The following PACC1 variants were observed in gnomAD, a reference collection of about 807,000 sequenced individuals.
The protein encoded by PACC1 is proton-activated chloride channel.
Under a neutral mutation model 39.7 loss-of-function variants are expected in PACC1, and 34 were observed. That is an observed-to-expected ratio of 0.86 (90% CI 0.65 to 1.14). The LOEUF is 1.14. PACC1 is among the 50% of genes most tolerant of loss of function. The probability of loss-of-function intolerance (pLI) is 0.00; values close to 1 mark genes in which losing one functional copy is unlikely to be tolerated. For missense variants in PACC1, 379 were observed against 436.4 expected (o/e 0.87, Z 1.17); for synonymous variants, 127 against 160.6 (o/e 0.79, Z 1.58).
intron 3 of PACC1, 28 bp from the exon 4 acceptor site, chr1:212,385,453 G>C: frequency 6.2e-7 from 1 of 1,613,518 alleles, no homozygotes; most frequent in Non-Finnish European, 8.5e-7. Flanking sequence ...AAAAGCAAGT[G>C]TCAGAAATCA....
Position 212,386,956 on chromosome 1 carries a change from C to T in PACC1, c.278G>A (p.Arg93His), listed in dbSNP as rs373278612. ...CATGACAGGGTGCTTGAGTTTCTCA[C>T]GAAAGTCTGTGATGGTCCGGTAGAC... is the stretch of plus-strand genomic sequence containing the variant. ...FLVYRTITDF[R>H]EKLKHPVMSV... Residue 93 changes from arginine (R) to histidine (H), a missense_variant, in exon 3 of 8, where the codon CGT (arginine) becomes CAT (histidine). Transcript: ENST00000261455. This position sits in a 1 kb window ranked among gnomAD's most constrained non-coding sequence, Gnocchi z 5.0. The T allele has an allele frequency of 6.5e-5, 105 of 1,614,130 alleles. 1 individual carries two copies. Among genetic ancestry groups the T allele is most frequent in the East Asian group, 4.2e-4 (19 of 44,890 alleles).
At chr1:212,414,300 C>G (rs1662247874) in intron 1 of PACC1, among the ~76,000 whole-genome samples, 1 of 152,194 alleles carries the variant, frequency 6.6e-6, no homozygotes, top group Non-Finnish European at 1.5e-5. Context: ...CCGACGATGC[C>G]GACCGCGCAT....
chr1:212,414,280 G>C lies in PACC1; in HGVS notation c.36+442C>G, dbSNP rs57517430. Among the ~76,000 whole-genome samples, 1,186 of 152,346 alleles carry C rather than the reference G, an allele frequency of 7.8e-3. 17 individuals carry two copies. The highest frequency in any genetic ancestry group is 0.027 in the African/African-American group (1,115 of 41,576). ...GGACAGCGAGGCCTTGGGCTTGGAG[G>C]GGGAGGATGCCGACGATGCCGACCG... On this transcript the variant is annotated intron_variant, in intron 1 of 7. Transcript: ENST00000261455.
chr1:212,414,487 G>A (rs933593684), intron 1 of PACC1, among the ~76,000 whole-genome samples: 2 of 152,172 alleles, frequency 1.3e-5, no homozygotes, highest in Non-Finnish European at 2.9e-5. Context: ...CCGGACCTCG[G>A]CCATGCAACC....
At chr1:212,414,599 G>T in intron 1 of PACC1, 123 bp downstream of exon 1, 2 of 1,236,374 alleles carry the variant, frequency 1.6e-6, no homozygotes, top group Non-Finnish European at 1.1e-6. Flanking sequence ...TGACGCACCC[G>T]TCGGTCCCTC....
chr1:212,379,934 T>A lies in PACC1; in HGVS notation c.599A>T (p.Asp200Val), dbSNP rs1281637382. ...NKSSEDFSAI[D>V]YLLFSSFQEF... is the part of the protein sequence containing the mutation. ...CTGGAAAGAAGAGAAGAGGAGGTAA[T>A]CAATGGCGCTGAAGTCCTCACTACT... The change falls in exon 5 of 8, where the codon GAT (aspartate) becomes GTT (valine). Residue 200 changes from aspartate (D) to valine (V), a missense_variant. Transcript: ENST00000261455. 18 of 1,614,136 alleles carry A rather than the reference T, an allele frequency of 1.1e-5. No individual in the cohort carries two copies. The highest frequency in any genetic ancestry group is 1.5e-5 in the Non-Finnish European group (18 of 1,180,032).
chr1:212,375,394 T>C (rs575630178), intron 6 of PACC1, 94 bp from the exon 7 acceptor site: 6 of 843,168 alleles, frequency 7.1e-6, no homozygotes, highest in South Asian at 6.0e-5. Flanking sequence ...CAGGGGATCA[T>C]AGTCTGTGGT....
chr1:212,413,797 C>G, intron 1 of PACC1: 1 of 1,318,446 alleles, frequency 7.6e-7, no homozygotes, highest in East Asian at 2.6e-5. Context: ...GGCCTCAAGG[C>G]AAATCTGGAG....
At chr1:212,374,811 C>T (rs1432579759) in intron 7 of PACC1, among the ~76,000 whole-genome samples, 3 of 152,152 alleles carry the variant, frequency 2.0e-5, no homozygotes, top group Non-Finnish European at 2.9e-5. Flanking sequence ...ACTGCAGTAA[C>T]CTGTATAGTG....
At position 212,410,416 on chromosome 1, in the gene PACC1, C is replaced by T. The variant is rs748266638; in HGVS notation, c.133+9G>A. On this transcript the variant is annotated intron_variant, in intron 2 of 7. Coordinates refer to ENST00000261455, the MANE Select transcript of PACC1 (RefSeq NM_018252.3). ...AGCAACAGCACAGCAAAGCACCAAA[C>T]GCACTCACCTGGTAAGATACCCGGA... 6.2e-6 allele frequency: 10 copies of T among 1,613,260 alleles called. No homozygotes were observed. The highest frequency in any genetic ancestry group is 2.2e-5 in the South Asian group (2 of 91,066).
chr1:212,374,363 A>C (rs1660572844), intron 7 of PACC1, among the ~76,000 whole-genome samples: 1 of 152,172 alleles, frequency 6.6e-6, no homozygotes, highest in South Asian at 2.1e-4. Context: ...CTTAAAAAAA[A>C]ATGAGTCTCA....
In PACC1 at chr1:212,388,051, T is replaced by C. The variant is rs549509074; in HGVS notation, c.134-951A>G. On this transcript the variant is annotated intron_variant, in intron 2 of 7. Coordinates refer to ENST00000261455, the MANE Select transcript of PACC1 (RefSeq NM_018252.3). ...CCTGGGCAACAAGAGCGAAACTCCA[T>C]CTCAAAAAAAAAAAAAAAAGAAAAA... 8.9e-3 allele frequency among the ~76,000 whole-genome samples: 1,074 copies of C among 120,754 alleles called. 7 individuals carry two copies. Among genetic ancestry groups the C allele is most frequent in the Middle Eastern group, 0.018 (4 of 228 alleles). 79.2% of individuals were successfully genotyped at this position (120,754 alleles called of 152,430 possible). A position where few individuals can be genotyped will look rare whatever the true frequency, so the allele number is the denominator to read the frequency against.
At chr1:212,374,950 G>A (rs1330427301) in intron 7 of PACC1, among the ~76,000 whole-genome samples, 1 of 152,118 alleles carries the variant, frequency 6.6e-6, no homozygotes, top group Non-Finnish European at 1.5e-5. Flanking sequence ...CCTTTACAGA[G>A]AAAGTCTAGT....
At position 212,386,820 on chromosome 1, in the gene PACC1, G is replaced by T; in HGVS notation, c.343+71C>A. On this transcript the variant is annotated intron_variant, in intron 3 of 7. Transcript: ENST00000261455. The surrounding 1 kb of genome is among the most constrained non-coding windows in gnomAD (Gnocchi z 5.0). ...CCGTAGTACCACAAATACAACGGCA[G>T]CTCAGGGAGTATCTGCCAGCTGACA... 6.8e-7 allele frequency: 1 copy of T among 1,473,976 alleles called. No homozygotes were observed. The highest frequency in any genetic ancestry group is 1.4e-5 in the African/African-American group (1 of 72,126). The allele number at this position is 1,473,976 out of a possible 1,614,324, so 91.3% of individuals were successfully genotyped here.
chr1:212,371,257 A>G (rs1250160286), intron 7 of PACC1, among the ~76,000 whole-genome samples: 1 of 127,894 alleles, frequency 7.8e-6, no homozygotes, highest in Non-Finnish European at 1.5e-5. Flanking sequence ...AAAAAAAAAA[A>G]AAGAAAGAAA....
At chr1:212,381,164 G>A (rs1660864888) in intron 4 of PACC1, among the ~76,000 whole-genome samples, 1 of 152,162 alleles carries the variant, frequency 6.6e-6, no homozygotes, top group Non-Finnish European at 1.5e-5. Context: ...GTGCTCTAAA[G>A]TGATGGTATT....
At chr1:212,398,894 C>T (rs1558179557) in intron 2 of PACC1, among the ~76,000 whole-genome samples, 1 of 152,210 alleles carries the variant, frequency 6.6e-6, no homozygotes, top group African/African-American at 2.4e-5. Flanking sequence ...TGACCTCCTT[C>T]AAGCCCAGCC....
chr1:212,393,979 T>C (rs1247904626), intron 2 of PACC1, among the ~76,000 whole-genome samples: 1 of 151,792 alleles, frequency 6.6e-6, no homozygotes, highest in Non-Finnish European at 1.5e-5. Context: ...CAGGACCAGA[T>C]GGATTCACAG....
At chr1:212,382,890 G>A (rs1660957586) in intron 4 of PACC1, among the ~76,000 whole-genome samples, 1 of 152,214 alleles carries the variant, frequency 6.6e-6, no homozygotes, top group Non-Finnish European at 1.5e-5. Context: ...TCTGAGGGCA[G>A]CAACAGGTTC....
Sources: gnomAD v4.1 joint callset for allele counts (sites outside exome capture counted in the v4.1 genomes callset) on GRCh38, gnomAD v4.1.1 for gene constraint, Gnocchi (gnomAD v3.1) non-coding constraint, MANE v1.5 for transcripts, NCBI Gene and HGNC (gene_info 2026-07-23, HGNC 2026-07-21) for gene names.